RANBP2: variants seen among roughly 807,000 people sequenced by gnomAD.
The protein encoded by RANBP2 is RAN binding protein 2.
RANBP2 carries 57 observed loss-of-function variants against 303.6 expected under a neutral mutation model. The ratio of observed to expected loss-of-function variants is 0.19; its 90% CI spans 0.15 to 0.23. RANBP2 has a LOEUF of 0.23. RANBP2 is among the 10% of genes least tolerant of loss of function. The probability of loss-of-function intolerance (pLI) is 1.00; values close to 1 mark genes in which losing one functional copy is unlikely to be tolerated. For synonymous variants in RANBP2, 1,167 were observed against 1,301.5 expected (o/e 0.90, Z 2.23); for missense variants, 3,138 against 3,780.8 (o/e 0.83, Z 4.46).
chr2:109,564,006 CT>C, the RANBP2 span, among the ~76,000 whole-genome samples: 1 of 152,068 alleles, frequency 6.6e-6, no homozygotes, highest in Admixed American at 6.6e-5. Flanking sequence ...TCCAACTTAC[CT>C]TTATGACAAC....
the RANBP2 span, chr2:109,667,233 G>T: frequency 1.0e-6 from 1 of 980,776 alleles, no homozygotes; most frequent in South Asian, 1.3e-5. Context: ...CCAAGCAAAC[G>T]CAGGCAAGGT....
At chr2:109,126,253 C>A in the RANBP2 span, among the ~76,000 whole-genome samples, 65 of 152,118 alleles carry the variant, frequency 4.3e-4, 2 homozygotes, top group African/African-American at 1.3e-3. Context: ...ATGGCAGGGG[C>A]AAAAGGGGTA....
the RANBP2 span, among the ~76,000 whole-genome samples, chr2:109,111,767 T>C: frequency 4.0e-5 from 6 of 148,826 alleles, no homozygotes; most frequent in Non-Finnish European, 7.4e-5. Context: ...TATCTCCTAA[T>C]GCTATCCCTC....
chr2:109,024,083 G>A, the RANBP2 span, among the ~76,000 whole-genome samples: 3 of 151,958 alleles, frequency 2.0e-5, no homozygotes, highest in Non-Finnish European at 4.4e-5. Context: ...GCACCACCAC[G>A]CCCCGCTAAT....
chr2:108,856,244 C>T, the RANBP2 span, among the ~76,000 whole-genome samples: 1 of 152,156 alleles, frequency 6.6e-6, no homozygotes, highest in Admixed American at 6.5e-5. Flanking sequence ...TGCTGCCATT[C>T]TTAATGGCAG....
the RANBP2 span, among the ~76,000 whole-genome samples, chr2:108,976,596 C>T: frequency 2.0e-5 from 3 of 152,192 alleles, no homozygotes; most frequent in South Asian, 2.1e-4. Flanking sequence ...TTCCTCTGCA[C>T]GGGAGACCTG....
At chr2:109,709,980 A>G in the RANBP2 span, among the ~76,000 whole-genome samples, 2 of 151,158 alleles carry the variant, frequency 1.3e-5, no homozygotes, top group Non-Finnish European at 3.0e-5. Flanking sequence ...CCAACTACTT[A>G]GGAGGCTGAG....
the RANBP2 span, among the ~76,000 whole-genome samples, chr2:109,163,465 C>T: frequency 8.7e-6 from 1 of 115,444 alleles, no homozygotes; most frequent in Non-Finnish European, 1.6e-5. Flanking sequence ...GTGGCGGGAT[C>T]TCGGCTCACT....
the RANBP2 span, among the ~76,000 whole-genome samples, chr2:109,422,413 C>T: frequency 6.6e-5 from 10 of 152,190 alleles, no homozygotes; most frequent in East Asian, 1.9e-4. Context: ...TAATCCTGTA[C>T]GGTCAGTGTG....
At chr2:109,239,827 A>G in the RANBP2 span, among the ~76,000 whole-genome samples, 6 of 152,214 alleles carry the variant, frequency 3.9e-5, no homozygotes, top group Non-Finnish European at 8.8e-5. Context: ...TCATCCCCAC[A>G]GCTCACAGCA....
At chr2:108,836,164 A>G in the RANBP2 span, among the ~76,000 whole-genome samples, 1 of 151,880 alleles carries the variant, frequency 6.6e-6, no homozygotes. Flanking sequence ...ACAACTCCCC[A>G]TTTCACCTAC....
the RANBP2 span, among the ~76,000 whole-genome samples, chr2:109,774,499 CATAT>C: frequency 2.3e-3 from 4 of 1,710 alleles, 2 homozygotes; most frequent in Non-Finnish European, 5.6e-3. Flanking sequence ...CAAAAACAAA[CATAT>C]ATATATATAT....
At chr2:108,763,033 G>C (rs1403369526) in intron 19 of RANBP2, among the ~76,000 whole-genome samples, 1 of 152,068 alleles carries the variant, frequency 6.6e-6, no homozygotes, top group African/African-American at 2.4e-5. Flanking sequence ...ATATCCTACT[G>C]CTCAAGGTCA....
the RANBP2 span, among the ~76,000 whole-genome samples, chr2:109,304,244 C>T: frequency 2.6e-5 from 4 of 152,198 alleles, no homozygotes; most frequent in Non-Finnish European, 5.9e-5. Context: ...ACCAACACCT[C>T]CCCATTCCAA....
chr2:109,103,067 A>C, the RANBP2 span, among the ~76,000 whole-genome samples: 1 of 152,224 alleles, frequency 6.6e-6, no homozygotes, highest in Admixed American at 6.5e-5. Context: ...ACTGAGCACC[A>C]CGTGTGTGCA....
the RANBP2 span, among the ~76,000 whole-genome samples, chr2:109,692,718 A>G: frequency 6.6e-6 from 1 of 152,176 alleles, no homozygotes; most frequent in African/African-American, 2.4e-5. Context: ...GGCTGCCTGC[A>G]TAAATTCACC....
the RANBP2 span, among the ~76,000 whole-genome samples, chr2:109,266,475 G>A: frequency 6.6e-6 from 1 of 152,186 alleles, no homozygotes; most frequent in Non-Finnish European, 1.5e-5. Flanking sequence ...AGTGGTCCCA[G>A]AACGGTATCC....
At chr2:108,768,432 T>A (rs753296714) in intron 20 of RANBP2, 44 bp downstream of exon 20, 22 of 1,607,326 alleles carry the variant, frequency 1.4e-5, no homozygotes, top group Non-Finnish European at 1.8e-5. Context: ...TTTCTTTCTT[T>A]TAATGTTTAG....
At chr2:108,936,103 A>G in the RANBP2 span, among the ~76,000 whole-genome samples, 1 of 152,198 alleles carries the variant, frequency 6.6e-6, no homozygotes, top group African/African-American at 2.4e-5. Context: ...GGGACTTCCC[A>G]TTCTTCCACC....
Sources: allele counts gnomAD v4.1 joint callset (sites outside exome capture counted in the v4.1 genomes callset), GRCh38; gene constraint gnomAD v4.1.1; transcripts MANE v1.5; gene names NCBI Gene and HGNC (gene_info 2026-07-23, HGNC 2026-07-21).